The following AFF1 variants were observed in gnomAD, a reference collection of about 807,000 sequenced individuals.
The protein encoded by AFF1 is ALF transcription elongation factor 1, also known as AF4/FMR2 family member 1.
AFF1 carries 48 observed loss-of-function variants against 121.7 expected under a neutral mutation model. The observed-to-expected ratio is 0.39, with a 90% CI of 0.31 to 0.50. The LOEUF is 0.50. AFF1 is among the 20% of genes least tolerant of loss of function. The pLI is 0.76. For synonymous variants in AFF1, 613 were observed against 563.0 expected (o/e 1.09, Z -1.26); for missense variants, 1,523 against 1,511.7 (o/e 1.01, Z -0.12).
intron 2 of AFF1, among the ~76,000 whole-genome samples, chr4:86,958,885 G>T (rs1472350804): frequency 6.6e-6 from 1 of 152,172 alleles, no homozygotes; most frequent in African/African-American, 2.4e-5. Flanking sequence ...GGAAACAGTT[G>T]CATGTATGTC....
At chr4:87,075,192 G>T (rs1222042579) in intron 4 of AFF1, among the ~76,000 whole-genome samples, 1 of 151,836 alleles carries the variant, frequency 6.6e-6, no homozygotes, top group African/African-American at 2.4e-5. Flanking sequence ...TCTTCCCATT[G>T]GGTTTTATAA....
intron 4 of AFF1, among the ~76,000 whole-genome samples, chr4:87,068,414 C>T (rs577339854): frequency 1.3e-5 from 2 of 152,338 alleles, no homozygotes; most frequent in Non-Finnish European, 2.9e-5. Flanking sequence ...TTAATAGGAA[C>T]TCCCACTGGT....
At chr4:87,086,543 A>G (rs572248536) in intron 5 of AFF1, among the ~76,000 whole-genome samples, 40 of 152,274 alleles carry the variant, frequency 2.6e-4, no homozygotes, top group African/African-American at 8.7e-4. Context: ...GGGAAAGCAA[A>G]CAGAAGGACG....
rs548191074 is a variant in AFF1, at chr4:87,067,996, T to A, written c.1060-16124T>A. Among the ~76,000 whole-genome samples, 26 of 152,360 alleles carry A rather than the reference T, an allele frequency of 1.7e-4. No individual in the cohort carries two copies. In the South Asian group the frequency reaches 3.7e-3, roughly 22 times the overall value. On this transcript the variant is annotated intron_variant, in intron 4 of 20. Coordinates refer to ENST00000395146, the MANE Select transcript of AFF1 (RefSeq NM_001166693.3). The stretch of plus-strand genomic sequence containing the variant: ...TTATTTCTCATATAGTTTTTTCTTA[T>A]ATGTAAAATTACATGTTATGAGCTA...
chr4:87,017,707 A>G (rs1014477383), intron 2 of AFF1, among the ~76,000 whole-genome samples: 1 of 152,240 alleles, frequency 6.6e-6, no homozygotes, highest in Non-Finnish European at 1.5e-5. Flanking sequence ...AGAGCCTCAC[A>G]TGCAAAGATA....
At chr4:87,007,634 G>A (rs554550344) in intron 2 of AFF1, among the ~76,000 whole-genome samples, 3 of 152,284 alleles carry the variant, frequency 2.0e-5, no homozygotes, top group African/African-American at 4.8e-5. Context: ...CGGAGAGAGG[G>A]ATGGAGTTAA....
intron 4 of AFF1, among the ~76,000 whole-genome samples, chr4:87,064,346 T>C (rs1300559795): frequency 6.6e-6 from 1 of 152,244 alleles, no homozygotes; most frequent in African/African-American, 2.4e-5. Context: ...TTGTATTGAC[T>C]GATAGAGTAA....
At chr4:86,989,510 TAA>T (rs2149502404) in intron 2 of AFF1, among the ~76,000 whole-genome samples, 1 of 152,268 alleles carries the variant, frequency 6.6e-6, no homozygotes, top group South Asian at 2.1e-4. Flanking sequence ...TGATGATCAT[TAA>T]AAAGTCAGGA....
At chr4:87,047,670 G>T (rs765479399) in intron 4 of AFF1, 76 bp downstream of exon 4, 3 of 1,590,192 alleles carry the variant, frequency 1.9e-6, no homozygotes, top group Middle Eastern at 1.7e-4. Flanking sequence ...AGGATGTGGG[G>T]CAAGGTGGGG....
intron 2 of AFF1, among the ~76,000 whole-genome samples, chr4:86,953,014 T>C (rs1721481888): frequency 7.9e-6 from 1 of 125,826 alleles, no homozygotes; most frequent in South Asian, 2.7e-4. Flanking sequence ...GCCTGAGCCA[T>C]GGCGCCCAGC....
chr4:87,134,400 C>T, intron 19 of AFF1, 71 bp from the exon 20 acceptor site: 1 of 1,362,654 alleles, frequency 7.3e-7, no homozygotes, highest in Non-Finnish European at 1.0e-6. Flanking sequence ...TAGTTCCAGA[C>T]ACGTAAATCT....
Position 87,127,712 on chromosome 4 carries a change from T to G in AFF1, c.2964+9T>G. 6.2e-7 allele frequency: 1 copy of G among 1,613,918 alleles called. No homozygotes were observed. Among genetic ancestry groups the G allele is most frequent in the Non-Finnish European group, 8.5e-7 (1 of 1,179,844 alleles). On this transcript the variant is annotated intron_variant, in intron 16 of 20. Coordinates refer to ENST00000395146, the MANE Select transcript of AFF1 (RefSeq NM_001166693.3). ...AGAAAGCAGAGTTAATGGTTAGTAT[T>G]GGCCCTTTATCTCTTTGGTAGAATG...
intron 2 of AFF1, among the ~76,000 whole-genome samples, chr4:87,036,082 G>A (rs1729536161): frequency 6.6e-6 from 1 of 152,138 alleles, no homozygotes; most frequent in Non-Finnish European, 1.5e-5. Flanking sequence ...TCTGATTGGT[G>A]CCAAATGAGC....
intron 2 of AFF1, among the ~76,000 whole-genome samples, chr4:86,982,331 G>A (rs1403122746): frequency 6.9e-6 from 1 of 143,982 alleles, no homozygotes; most frequent in Non-Finnish European, 1.5e-5. Context: ...TGTTCACATT[G>A]TGTCAGAAAT....
intron 17 of AFF1, among the ~76,000 whole-genome samples, chr4:87,131,522 T>C (rs1466007024): frequency 6.6e-6 from 1 of 152,222 alleles, no homozygotes; most frequent in East Asian, 1.9e-4. Flanking sequence ...TAAGCCTTTG[T>C]TTACTTACCT....
chr4:87,035,837 A>G (rs774206516), intron 2 of AFF1, among the ~76,000 whole-genome samples: 1 of 152,248 alleles, frequency 6.6e-6, no homozygotes, highest in Non-Finnish European at 1.5e-5. Flanking sequence ...AGAAAGCATT[A>G]AGAAAAAGAC....
At chr4:86,985,180 AC>A (rs1265857905) in intron 2 of AFF1, among the ~76,000 whole-genome samples, 1,867 of 54,008 alleles carry the variant, frequency 0.035, 38 homozygotes, top group Non-Finnish European at 0.043. Context: ...AATATGTATT[AC>A]TATATATATA....
rs563461514 is a variant in AFF1 at position 87,090,576 on chromosome 4, A to T, written c.1191+506A>T. On this transcript the variant is annotated intron_variant, in intron 6 of 20. Coordinates refer to ENST00000395146, the MANE Select transcript of AFF1 (RefSeq NM_001166693.3). Reference sequence around the variant, plus strand: ...GCCATTCTCCTTTTTTTTAATTTATACTTTTGGATAACCTTCAAAATGTAG... The same window carrying T: ...GCCATTCTCCTTTTTTTTAATTTATTCTTTTGGATAACCTTCAAAATGTAG... Among the ~76,000 whole-genome samples the T allele has an allele frequency of 8.1e-4, 124 of 152,252 alleles. 1 individual carries two copies. The highest frequency in any genetic ancestry group is 1.4e-3 in the Non-Finnish European group (94 of 68,022).
At chr4:87,063,226 C>CTT (rs1190843290) in intron 4 of AFF1, among the ~76,000 whole-genome samples, 15 of 49,922 alleles carry the variant, frequency 3.0e-4, no homozygotes, top group East Asian at 7.1e-4. Context: ...GTAGATTCAC[C>CTT]TCTTTTTTTT....
Sources: gnomAD v4.1 joint callset for allele counts (sites outside exome capture counted in the v4.1 genomes callset) on GRCh38, gnomAD v4.1.1 for gene constraint, MANE v1.5 for transcripts, NCBI Gene and HGNC (gene_info 2026-07-23, HGNC 2026-07-21) for gene names.